The following ANKEF1 variants were observed in gnomAD, a reference collection of about 807,000 sequenced individuals.
The protein encoded by ANKEF1 is ankyrin repeat and EF-hand domain containing 1.
ANKEF1 carries 43 observed loss-of-function variants against 65.1 expected under a neutral mutation model. The ratio of observed to expected loss-of-function variants is 0.66; its 90% confidence interval spans 0.52 to 0.85. The LOEUF is 0.85. ANKEF1 is among the 40% of genes least tolerant of loss of function. The pLI is 0.00. For missense variants in ANKEF1, 934 were observed against 952.9 expected (o/e 0.98, Z 0.26); for synonymous variants, 316 against 341.5 (o/e 0.93, Z 0.82).
intron 3 of ANKEF1, among the ~76,000 whole-genome samples, chr20:10,040,215 A>G (rs1456524777): frequency 6.6e-6 from 1 of 152,226 alleles, no homozygotes; most frequent in Non-Finnish European, 1.5e-5. Flanking sequence ...CATTGTACAG[A>G]GTACATTGTC....
chr20:10,053,120 G>A lies in ANKEF1; in HGVS notation c.1879G>A (p.Ala627Thr). The change falls in exon 9 of 11, where the codon GCC (alanine) becomes ACC (threonine). Residue 627 changes from alanine to threonine, a missense_variant. Coordinates refer to ENST00000378392, the MANE Select transcript of ANKEF1 (RefSeq NM_022096.6). The stretch of plus-strand genomic sequence containing the variant: ...TGTTTATGTTTCAACAGGGCATAGT[G>A]CCATGGACGTTGCAAAGGCATATGC... The part of the protein sequence containing the change: ...FQLENRKGHS[A>T]MDVAKAYADY... The A allele has an allele frequency of 6.2e-7, 1 of 1,600,164 alleles. No homozygotes were observed. Among genetic ancestry groups the A allele is most frequent in the Non-Finnish European group, 8.5e-7 (1 of 1,175,712 alleles).
Position 10,049,968 on chromosome 20 carries a change from C to G in ANKEF1, c.1399C>G (p.Arg467Gly). ...ETYKNVTDSSRFNRDHPPEHP... is the reference protein window; with the variant it reads ...ETYKNVTDSSGFNRDHPPEHP... ...CTACAAGAATGTCACTGATAGCAGCCGGTTTAATAGAGATCATCCCCCAGA... is the reference window on the plus strand; with the variant it reads ...CTACAAGAATGTCACTGATAGCAGCGGGTTTAATAGAGATCATCCCCCAGA... The change falls in exon 7 of 11, where the codon CGG becomes GGG. Residue 467 changes from arginine (R) to glycine (G), a missense_variant. Arg to Gly is a moderately radical substitution (Grantham distance 125). Transcript: ENST00000378392. 3 of 1,614,094 alleles carry G rather than the reference C, an allele frequency of 1.9e-6. No individual in the cohort carries two copies. The highest frequency in any genetic ancestry group is 1.7e-6 in the Non-Finnish European group (2 of 1,179,992).
chr20:10,049,291 A>C, intron 6 of ANKEF1, 99 bp from the exon 7 acceptor site: 1 of 1,147,610 alleles, frequency 8.7e-7, no homozygotes, highest in Non-Finnish European at 1.2e-6. Context: ...CACATTTTTT[A>C]CTAATCACGA....
Position 10,037,936 on chromosome 20 carries a change from G to A in ANKEF1, c.-44-322G>A, listed in dbSNP as rs531984503. 2.6e-5 allele frequency among the ~76,000 whole-genome samples: 4 copies of A among 152,258 alleles called. No individual in the cohort carries two copies. In the East Asian group the frequency reaches 7.7e-4, roughly 29 times the overall value. ...GTGTGAAACCATGTAGATAGATGGT[G>A]GGAACTCAAACCCTTACCATGGCAA... On this transcript the variant is annotated intron_variant, in intron 2 of 10. Transcript: ENST00000378392.
chr20:10,048,639 C>T (rs1240746292), intron 6 of ANKEF1, among the ~76,000 whole-genome samples: 1 of 152,142 alleles, frequency 6.6e-6, no homozygotes, highest in Non-Finnish European at 1.5e-5. Context: ...ATAGACAACA[C>T]AGCCTTTTTG....
chr20:10,038,509 C>T lies in ANKEF1; in HGVS notation c.208C>T (p.Leu70Phe). ...DIDMVSFLLD[L>F]GAHPDVQDRM... ...TGATATGGTCAGCTTTCTCCTTGAC[C>T]TTGGTGCTCACCCTGATGTGCAAGA... Residue 70 changes from leucine to phenylalanine, a missense_variant, in exon 3 of 11, where the codon CTT becomes TTT. Transcript: ENST00000378392. The T allele has an allele frequency of 1.2e-6, 2 of 1,614,228 alleles. No individual in the cohort carries two copies. The highest frequency in any genetic ancestry group is 1.7e-6 in the Non-Finnish European group (2 of 1,180,046).
Position 10,052,886 on chromosome 20 carries a change from AG to A in ANKEF1, c.1871-225del, listed in dbSNP as rs1397323763. On this transcript the variant is annotated intron_variant, in intron 8 of 10. Coordinates refer to ENST00000378392, the MANE Select transcript of ANKEF1 (RefSeq NM_022096.6). ...CATAGTAAAAAAAAAACTAAGGAAA[AG>A]TAATTTTCTGTATTTAGATGGCACT... Among the ~76,000 whole-genome samples, 15 of 152,302 alleles carry A rather than the reference AG, an allele frequency of 9.8e-5. No individual in the cohort carries two copies. The East Asian group carries it at 2.9e-3, about 29-fold the overall frequency.
In ANKEF1 at chr20:10,043,352, C is replaced by T. The variant is rs1600513362; in HGVS notation, c.546+31C>T. The stretch of plus-strand genomic sequence containing the variant: ...GCTATTCTTGTGATTACAAATATTT[C>T]TTGTTTCAATTACAGCATAGTATAA... On this transcript the variant is annotated intron_variant, in intron 4 of 10. Coordinates refer to ENST00000378392, the MANE Select transcript of ANKEF1 (RefSeq NM_022096.6). The T allele has an allele frequency of 3.1e-6, 5 of 1,594,144 alleles. No homozygotes were observed. The East Asian group carries it at 1.1e-4, about 36-fold the overall frequency.
chr20:10,035,992 G>A (rs1335056557), intron 2 of ANKEF1, among the ~76,000 whole-genome samples: 1 of 152,236 alleles, frequency 6.6e-6, no homozygotes, highest in Non-Finnish European at 1.5e-5. Context: ...AGGTGTGCTT[G>A]TATGTGGAGG....
rs1429852807 is a variant in ANKEF1, at chr20:10,049,527, A to G, written c.958A>G (p.Asn320Asp). Residue 320 changes from asparagine to aspartate, a missense_variant, in exon 7 of 11, where the codon AAT becomes GAT. Coordinates refer to ENST00000378392, the MANE Select transcript of ANKEF1 (RefSeq NM_022096.6). ...TAAACTAGCCAGGCCAGGAGCCAAA[A>G]ATCCAAATCCACTGTGGGCCCTTAG... is the stretch of plus-strand genomic sequence containing the variant. ...ANKLARPGAK[N>D]PNPLWALRLH... The G allele has an allele frequency of 6.2e-7, 1 of 1,614,138 alleles. No homozygotes were observed. Among genetic ancestry groups the G allele is most frequent in the South Asian group, 1.1e-5 (1 of 91,082 alleles).
At chr20:10,040,928 C>A (rs1785964642) in intron 3 of ANKEF1, among the ~76,000 whole-genome samples, 1 of 150,292 alleles carries the variant, frequency 6.7e-6, no homozygotes, top group African/African-American at 2.4e-5. Context: ...CTTTGACTTT[C>A]TCTTTTCAAT....
chr20:10,055,441 T>C, intron 10 of ANKEF1, 61 bp from the exon 11 acceptor site: 1 of 1,457,372 alleles, frequency 6.9e-7, no homozygotes, highest in Non-Finnish European at 9.5e-7. Flanking sequence ...GTCTGGATAT[T>C]AGCATATTTA....
At chr20:10,038,873 G>A (rs531381069) in intron 3 of ANKEF1, among the ~76,000 whole-genome samples, 4 of 152,312 alleles carry the variant, frequency 2.6e-5, no homozygotes, top group Admixed American at 1.3e-4. Context: ...CATATACTTA[G>A]ATTAATTTGT....
At position 10,049,745 on chromosome 20, in the gene ANKEF1, T is replaced by G. The variant is rs1386796521; in HGVS notation, c.1176T>G (p.Ile392Met). Residue 392 changes from isoleucine (I) to methionine (M), a missense_variant, in exon 7 of 11, where the codon ATT (isoleucine) becomes ATG (methionine). Ile to Met is a conservative substitution (Grantham distance 10). Coordinates refer to ENST00000378392, the MANE Select transcript of ANKEF1 (RefSeq NM_022096.6). The stretch of plus-strand genomic sequence containing the variant: ...AAACCCGGGGAGGAGGGGTCAATAT[T>G]AATGAATTCTTTAAAGGAACCAGAT... ...HEKTRGGGVN[I>M]NEFFKGTRYL... 2.5e-6 allele frequency: 4 copies of G among 1,613,962 alleles called. No individual in the cohort carries two copies. Among genetic ancestry groups the G allele is most frequent in the Non-Finnish European group, 3.4e-6 (4 of 1,180,004 alleles).
chr20:10,038,216 A>T (rs571246422), intron 2 of ANKEF1, 42 bp from the exon 3 acceptor site: 146 of 831,024 alleles, frequency 1.8e-4, no homozygotes, highest in Non-Finnish European at 2.5e-4. Context: ...AATGAAGATG[A>T]TAAAATTAAC....
Position 10,056,236 on chromosome 20 carries a change from G to A in ANKEF1, c.*576G>A, listed in dbSNP as rs1412902946. ...TTTCTCACATGCCATTATAAACTATGTGTATTAGATACCTTGGGTTGAATA... is the reference window on the plus strand; with the variant it reads ...TTTCTCACATGCCATTATAAACTATATGTATTAGATACCTTGGGTTGAATA... On this transcript the variant is annotated 3_prime_UTR_variant, in exon 11 of 11. Transcript: ENST00000378392. The A allele has an allele frequency of 1.3e-5, 2 of 153,590 alleles. No homozygotes were observed. The highest frequency in any genetic ancestry group is 2.9e-5 in the Non-Finnish European group (2 of 68,998). The allele number at this position is 153,590 out of a possible 1,614,324, so 9.5% of individuals were successfully genotyped here.
chr20:10,035,491 A>G (rs571147022), intron 1 of ANKEF1, 88 bp from the exon 2 acceptor site: 1 of 152,384 alleles, frequency 6.6e-6, no homozygotes, highest in Admixed American at 6.5e-5. Flanking sequence ...TGAAACCCGC[A>G]AAAGTTTGGT....
intron 2 of ANKEF1, among the ~76,000 whole-genome samples, chr20:10,037,001 A>T (rs1333899238): frequency 3.3e-5 from 5 of 152,148 alleles, no homozygotes; most frequent in Admixed American, 3.3e-4. Context: ...GGATGGAAGC[A>T]GGCGATGGAG....
chr20:10,044,323 A>G (rs1297388591), intron 4 of ANKEF1, 71 bp from the exon 5 acceptor site: 3 of 1,536,418 alleles, frequency 2.0e-6, no homozygotes, highest in African/African-American at 2.7e-5. Context: ...TTCAGACTGT[A>G]TTTGTACTGA....
Sources: allele counts gnomAD v4.1 joint callset (sites outside exome capture counted in the v4.1 genomes callset), GRCh38; gene constraint gnomAD v4.1.1; transcripts MANE v1.5; gene names NCBI Gene and HGNC (gene_info 2026-07-23, HGNC 2026-07-21).